The following ROBO1 variants were observed in gnomAD, a reference collection of about 807,000 sequenced individuals.
The protein encoded by ROBO1 is roundabout guidance receptor 1, also known as roundabout homolog 1.
In ROBO1, 149 loss-of-function variants were observed where a neutral mutation model predicts 195.9. The observed-to-expected ratio is 0.76, with a 90% CI of 0.67 to 0.87. ROBO1 has a LOEUF of 0.87. ROBO1 is among the 40% of genes least tolerant of loss of function. The pLI, the probability that ROBO1 is intolerant of heterozygous loss-of-function variation, is 0.00. For synonymous variants in ROBO1, 816 were observed against 733.2 expected, an observed-to-expected ratio of 1.11 and a Z score of -1.82; for missense variants, 1,933 against 2,068.3, an observed-to-expected ratio of 0.93 and a Z score of 1.27.
At chr3:79,134,910 G>T (rs991696611) in intron 2 of ROBO1, among the ~76,000 whole-genome samples, 1 of 119,110 alleles carries the variant, frequency 8.4e-6, no homozygotes, top group Non-Finnish European at 1.7e-5. Flanking sequence ...AGGGGGGAGG[G>T]ATAGCATTGG....
intron 3 of ROBO1, among the ~76,000 whole-genome samples, chr3:79,032,868 T>A (rs1421312889): frequency 6.6e-6 from 1 of 152,036 alleles, no homozygotes; most frequent in East Asian, 1.9e-4. Context: ...AATGTTTCAA[T>A]TGGTTGAGGA....
intron 2 of ROBO1, among the ~76,000 whole-genome samples, chr3:79,196,558 G>T (rs191851880): frequency 3.3e-5 from 5 of 151,882 alleles, no homozygotes; most frequent in Admixed American, 6.6e-5. Flanking sequence ...AACTTATAGT[G>T]ACTACAATGG....
intron 2 of ROBO1, among the ~76,000 whole-genome samples, chr3:79,483,518 T>C (rs1938979303): frequency 6.6e-6 from 1 of 152,220 alleles, no homozygotes; most frequent in African/African-American, 2.4e-5. Context: ...CCTGGGAACA[T>C]CACAAAGGGT....
At chr3:79,322,808 T>C (rs1397605165) in intron 2 of ROBO1, among the ~76,000 whole-genome samples, 21 of 152,166 alleles carry the variant, frequency 1.4e-4, no homozygotes, top group Admixed American at 1.4e-3. Flanking sequence ...AGAAGGGATA[T>C]AAAAAACTAT....
intron 2 of ROBO1, among the ~76,000 whole-genome samples, chr3:79,237,636 A>T (rs1334638269): frequency 6.6e-6 from 1 of 152,202 alleles, no homozygotes; most frequent in Non-Finnish European, 1.5e-5. Flanking sequence ...AAAAAGCTAG[A>T]GTTAATTTCT....
chr3:79,155,040 CAT>C (rs1276390244), intron 2 of ROBO1, among the ~76,000 whole-genome samples: 7 of 151,834 alleles, frequency 4.6e-5, no homozygotes, highest in Non-Finnish European at 7.4e-5. Context: ...CGGGTATACA[CAT>C]GAGTGCCTCT....
intron 3 of ROBO1, among the ~76,000 whole-genome samples, chr3:79,055,824 C>T (rs1009085047): frequency 6.6e-6 from 1 of 152,016 alleles, no homozygotes; most frequent in Admixed American, 6.6e-5. Context: ...TGATCATATC[C>T]CTTTACAATG....
Position 79,255,668 on chromosome 3 carries a change from A to T in ROBO1, c.89-130129T>A, listed in dbSNP as rs1576883817. ...GTTCTGGAAGTATAGGTAAGCACATATTCACACACACATAATATTTTGTGG... is the reference window on the plus strand; with the variant it reads ...GTTCTGGAAGTATAGGTAAGCACATTTTCACACACACATAATATTTTGTGG... On this transcript the variant is annotated intron_variant, in intron 2 of 30. Transcript: ENST00000464233. Among the ~76,000 whole-genome samples, 6 of 152,318 alleles carry T rather than the reference A, an allele frequency of 3.9e-5. No individual in the cohort carries two copies. The South Asian group carries it at 1.2e-3, about 32-fold the overall frequency.
In ROBO1 at chr3:79,591,117, CTT is replaced by C. The variant is rs565577591; in HGVS notation, c.-50-1158_-50-1157del. ...ATTTGCGAGTTGGGAAGTGGAAAGACTTAATCTTTTAACAATAGTTTTACTAT... is the reference window on the plus strand; with the variant it reads ...ATTTGCGAGTTGGGAAGTGGAAAGACAATCTTTTAACAATAGTTTTACTAT... On this transcript the variant is annotated intron_variant, in intron 1 of 30. Coordinates refer to ENST00000464233, the MANE Select transcript of ROBO1 (RefSeq NM_002941.4). Among the ~76,000 whole-genome samples, 4 of 151,866 alleles carry C rather than the reference CTT, an allele frequency of 2.6e-5. No homozygotes were observed. In the South Asian group the frequency reaches 8.3e-4, roughly 31 times the overall value.
chr3:78,880,711 T>G lies in ROBO1; in HGVS notation c.499+57890A>C, dbSNP rs1341694102. ...GATCTAACCCTTTATCTGCTTTTTT[T>G]TCTATTTCAGTTCCAATAGTGCTCC... On this transcript the variant is annotated intron_variant, in intron 4 of 30. Coordinates refer to ENST00000464233, the MANE Select transcript of ROBO1 (RefSeq NM_002941.4). Among the ~76,000 whole-genome samples the G allele has an allele frequency of 2.0e-5, 3 of 152,224 alleles. No individual in the cohort carries two copies. In the East Asian group the frequency reaches 5.8e-4, roughly 29 times the overall value.
intron 2 of ROBO1, among the ~76,000 whole-genome samples, chr3:79,148,137 C>A (rs2108630937): frequency 6.6e-6 from 1 of 151,934 alleles, no homozygotes; most frequent in African/African-American, 2.4e-5. Flanking sequence ...CCTCCCTCTT[C>A]TTTGAGAGTC....
rs1349030926 is a variant in ROBO1, at chr3:79,560,662, C to T, written c.88+29162G>A. On this transcript the variant is annotated intron_variant, in intron 2 of 30. Transcript: ENST00000464233. ...CCTAGTGGCCCCCTCATCTTCACACCGTAGATCTCACAGGATTAGGCATTA... is the reference window on the plus strand; with the variant it reads ...CCTAGTGGCCCCCTCATCTTCACACTGTAGATCTCACAGGATTAGGCATTA... 4.0e-5 allele frequency among the ~76,000 whole-genome samples: 6 copies of T among 150,522 alleles called. No individual in the cohort carries two copies. In the South Asian group the frequency reaches 6.3e-4, roughly 16 times the overall value.
intron 4 of ROBO1, among the ~76,000 whole-genome samples, chr3:78,803,461 T>A (rs75185328): frequency 0.031 from 4,689 of 152,188 alleles, 116 homozygotes; most frequent in African/African-American, 0.071. Flanking sequence ...TAGATTTTTT[T>A]AAAAATTCGA....
At chr3:79,378,910 G>A (rs1277779780) in intron 2 of ROBO1, among the ~76,000 whole-genome samples, 1 of 152,164 alleles carries the variant, frequency 6.6e-6, no homozygotes, top group East Asian at 1.9e-4. Context: ...CAAGCAAATC[G>A]CCCTGGAGCT....
intron 4 of ROBO1, among the ~76,000 whole-genome samples, chr3:78,935,979 T>C (rs1468070485): frequency 6.6e-6 from 1 of 152,012 alleles, no homozygotes; most frequent in Non-Finnish European, 1.5e-5. Context: ...TTACAGTTTT[T>C]AACTACACAG....
At position 78,868,827 on chromosome 3, in the gene ROBO1, C is replaced by A. The variant is rs2035350185; in HGVS notation, c.499+69774G>T. Among the ~76,000 whole-genome samples, 4 of 152,124 alleles carry A rather than the reference C, an allele frequency of 2.6e-5. No homozygotes were observed. The South Asian group carries it at 8.3e-4, about 31-fold the overall frequency. On this transcript the variant is annotated intron_variant, in intron 4 of 30. Transcript: ENST00000464233. ...CTAGTGAACAAAAGCTTAGAAAGAACAATGGGTATGTAGATGTCAAAAAGG... is the reference window on the plus strand; with the variant it reads ...CTAGTGAACAAAAGCTTAGAAAGAAAAATGGGTATGTAGATGTCAAAAAGG...
In ROBO1 at chr3:78,617,990, A is replaced by C. The variant is rs781162534; in HGVS notation, c.3927T>G (p.His1309Gln). 4 of 1,613,816 alleles carry C rather than the reference A, an allele frequency of 2.5e-6. No homozygotes were observed. The highest frequency in any genetic ancestry group is 3.4e-6 in the Non-Finnish European group (4 of 1,179,870). Reference sequence around the variant, plus strand: ...GGGGTCCTGAAATGTAGCCATAGGTATGTGGAGGGGAGATCGGCCGTGGTG... The same window carrying C: ...GGGGTCCTGAAATGTAGCCATAGGTCTGTGGAGGGGAGATCGGCCGTGGTG... ...PPPPRPISPP[H>Q]TYGYISGPLV... The change falls in exon 27 of 31, where the codon CAT becomes CAG. Residue 1309 changes from histidine to glutamine, a missense_variant. Physicochemically the swap from His to Gln is conservative, Grantham distance 24. Around this residue, in one of 3 missense-constraint regions of ROBO1, gnomAD observed 1,737 missense variants for 1,882.5 expected, o/e 0.92. Transcript: ENST00000464233.
rs185786654 is a variant in ROBO1 at position 79,245,460 on chromosome 3, A to T, written c.89-119921T>A. ...GCATTCATCCACTTGAGTATTGGAG[A>T]CTTGCCTCTATCATGAACTCTTACT... On this transcript the variant is annotated intron_variant, in intron 2 of 30. Coordinates refer to ENST00000464233, the MANE Select transcript of ROBO1 (RefSeq NM_002941.4). Among the ~76,000 whole-genome samples the T allele has an allele frequency of 2.6e-5, 4 of 152,130 alleles. No homozygotes were observed. The East Asian group carries it at 7.7e-4, about 29-fold the overall frequency.
chr3:79,032,799 A>T lies in ROBO1; in HGVS notation c.172+92657T>A, dbSNP rs2078319350. Among the ~76,000 whole-genome samples, 2 of 152,114 alleles carry T rather than the reference A, an allele frequency of 1.3e-5. 1 individual carries two copies. Among genetic ancestry groups the T allele is most frequent in the South Asian group, 4.1e-4 (2 of 4,834 alleles). ...ACATCCTATTGAAATAGAAGTTGAT[A>T]GCAGGTCTCTTTAATTTATGTTCTT... On this transcript the variant is annotated intron_variant, in intron 3 of 30. Coordinates refer to ENST00000464233, the MANE Select transcript of ROBO1 (RefSeq NM_002941.4).
Sources: gnomAD v4.1 joint callset for allele counts (sites outside exome capture counted in the v4.1 genomes callset) on GRCh38, gnomAD v4.1.1 for gene constraint, gnomAD v4.1.1 regional missense constraint, MANE v1.5 for transcripts, NCBI Gene and HGNC (gene_info 2026-07-23, HGNC 2026-07-21) for gene names.